The following EDIL3 variants were observed in gnomAD, a reference collection of about 807,000 sequenced individuals.
EDIL3 encodes the protein EGF-like repeat and discoidin I-like domain-containing protein 3.
In EDIL3, 37 loss-of-function variants were observed where a neutral mutation model predicts 67.4. The observed-to-expected ratio is 0.55, with a 90% CI of 0.42 to 0.72. The LOEUF is 0.72. EDIL3 is among the 30% of genes least tolerant of loss of function. The probability of loss-of-function intolerance (pLI) is 0.00; values close to 1 mark genes in which losing one functional copy is unlikely to be tolerated. For missense variants in EDIL3, 527 were observed against 586.3 expected (o/e 0.90, Z 1.04); for synonymous variants, 195 against 196.3 (o/e 0.99, Z 0.05).
At chr5:84,142,986 T>C (rs1413688851) in intron 4 of EDIL3, among the ~76,000 whole-genome samples, 1 of 151,988 alleles carries the variant, frequency 6.6e-6, no homozygotes, top group Admixed American at 6.6e-5. Context: ...ACAACACATC[T>C]TCCCTGGGCT....
chr5:83,969,339 A>G lies in EDIL3; in HGVS notation c.1138-5979T>C, dbSNP rs543243698. ...GGGCCACATATCTCTTCATTCCTAC[A>G]GCACAAATTCAAATAATTAAGGCTA... On this transcript the variant is annotated intron_variant, in intron 9 of 10. Coordinates refer to ENST00000296591, the MANE Select transcript of EDIL3 (RefSeq NM_005711.5). 8.6e-5 allele frequency among the ~76,000 whole-genome samples: 13 copies of G among 151,930 alleles called. No individual in the cohort carries two copies. In the East Asian group the frequency reaches 2.5e-3, roughly 29 times the overall value.
In EDIL3 at chr5:83,983,746, T is replaced by C. The variant is rs543215158; in HGVS notation, c.1138-20386A>G. On this transcript the variant is annotated intron_variant, in intron 9 of 10. Transcript: ENST00000296591. ...AGGTGGGAGGACAGGGACTTTCTTTTTTTTTTTTTTTTTCACTGTTCATTC... is the reference window on the plus strand; with the variant it reads ...AGGTGGGAGGACAGGGACTTTCTTTCTTTTTTTTTTTTTCACTGTTCATTC... Among the ~76,000 whole-genome samples the C allele has an allele frequency of 4.7e-3, 707 of 150,402 alleles. 4 individuals are homozygous for C. The highest frequency in any genetic ancestry group is 8.1e-3 in the Non-Finnish European group (549 of 67,396).
chr5:84,094,453 A>G (rs1202496310), intron 6 of EDIL3, among the ~76,000 whole-genome samples: 6 of 152,208 alleles, frequency 3.9e-5, no homozygotes, highest in African/African-American at 1.4e-4. Context: ...ATAAGGCAGT[A>G]TTAAAAACGA....
chr5:84,070,902 G>T (rs527744250), intron 6 of EDIL3, among the ~76,000 whole-genome samples: 2 of 152,122 alleles, frequency 1.3e-5, no homozygotes, highest in Admixed American at 1.3e-4. Flanking sequence ...AACTCCAAGG[G>T]CTCATAAAGG....
At chr5:84,024,802 A>AT (rs36045777) in intron 9 of EDIL3, among the ~76,000 whole-genome samples, 89,973 of 150,056 alleles carry the variant, frequency 0.6, 28,239 homozygotes, top group East Asian at 0.75. Flanking sequence ...ACTTCTTTCT[A>AT]TTTTTTTTTT....
chr5:84,131,114 A>G (rs1400713617), intron 5 of EDIL3, among the ~76,000 whole-genome samples: 1 of 152,080 alleles, frequency 6.6e-6, no homozygotes, highest in Non-Finnish European at 1.5e-5. Context: ...TTTTTTTTCA[A>G]ATAACTAAAA....
chr5:84,303,808 CTGTGTGTGTGTGTGTGTGTG>C (rs199605264), intron 1 of EDIL3, among the ~76,000 whole-genome samples: 3 of 135,358 alleles, frequency 2.2e-5, no homozygotes, highest in African/African-American at 5.7e-5. Context: ...CTCTCTCTCT[CTGTGTGTGTGTGTGTGTGTG>C]TGTGTGTGTG....
intron 5 of EDIL3, among the ~76,000 whole-genome samples, chr5:84,121,805 C>T (rs963626787): frequency 1.3e-5 from 2 of 152,030 alleles, no homozygotes; most frequent in Admixed American, 1.3e-4. Flanking sequence ...TACAAAAAGA[C>T]TCTAAGCATA....
Position 84,075,721 on chromosome 5 carries a change from C to T in EDIL3, c.652-9115G>A, listed in dbSNP as rs1041535526. 4.6e-5 allele frequency among the ~76,000 whole-genome samples: 7 copies of T among 152,004 alleles called. No individual in the cohort carries two copies. The East Asian group carries it at 5.8e-4, about 13-fold the overall frequency. The stretch of plus-strand genomic sequence containing the variant: ...AACTCTCAACCTCAGGTGATCTGCC[C>T]GTCTCGGCCTCCCAGAGTGCTGGGA... On this transcript the variant is annotated intron_variant, in intron 6 of 10. Coordinates refer to ENST00000296591, the MANE Select transcript of EDIL3 (RefSeq NM_005711.5).
At chr5:84,209,143 C>A (rs560919090) in intron 3 of EDIL3, among the ~76,000 whole-genome samples, 1 of 151,342 alleles carries the variant, frequency 6.6e-6, no homozygotes, top group East Asian at 1.9e-4. Context: ...CCAAACACCG[C>A]ATGTTCTCAC....
In EDIL3 at chr5:83,963,888, C is replaced by A. The variant is rs115900463; in HGVS notation, c.1138-528G>T. 2.9e-3 allele frequency among the ~76,000 whole-genome samples: 436 copies of A among 151,706 alleles called. 3 individuals are homozygous for A. Among genetic ancestry groups the A allele is most frequent in the African/African-American group, 0.01 (417 of 41,432 alleles). ...CTGTTTCCATAAATTTTAATCAATT[C>A]AATAATATATAATTGAGTAATAGTA... On this transcript the variant is annotated intron_variant, in intron 9 of 10. Transcript: ENST00000296591.
chr5:84,321,082 T>C (rs906320045), intron 1 of EDIL3, among the ~76,000 whole-genome samples: 3 of 152,214 alleles, frequency 2.0e-5, no homozygotes, highest in African/African-American at 7.2e-5. Context: ...ATTGTATTCA[T>C]AAAATGAAAT....
At chr5:83,982,398 TA>T (rs1370319920) in intron 9 of EDIL3, among the ~76,000 whole-genome samples, 2 of 152,120 alleles carry the variant, frequency 1.3e-5, no homozygotes, top group Non-Finnish European at 2.9e-5. Context: ...TTTCATTAAA[TA>T]GCCTCTTTCT....
intron 4 of EDIL3, among the ~76,000 whole-genome samples, chr5:84,173,407 G>C (rs1396595179): frequency 6.6e-6 from 1 of 152,090 alleles, no homozygotes; most frequent in Non-Finnish European, 1.5e-5. Context: ...GGAGACCCTG[G>C]CTTTTCAGGT....
intron 3 of EDIL3, among the ~76,000 whole-genome samples, chr5:84,212,403 T>C (rs890154989): frequency 2.6e-5 from 4 of 152,316 alleles, no homozygotes; most frequent in Admixed American, 2.0e-4. Context: ...CCTTTAGGGA[T>C]AGAAATTACT....
At chr5:84,227,418 C>CA (rs1282982687) in intron 3 of EDIL3, among the ~76,000 whole-genome samples, 4 of 151,856 alleles carry the variant, frequency 2.6e-5, no homozygotes, top group African/African-American at 9.6e-5. Flanking sequence ...ATTAAAAAAT[C>CA]AAAAAACAAC....
chr5:84,050,142 G>A (rs1213278121), intron 9 of EDIL3, among the ~76,000 whole-genome samples: 1 of 141,914 alleles, frequency 7.0e-6, no homozygotes, highest in Non-Finnish European at 1.5e-5. Flanking sequence ...AGCTTGCAGT[G>A]AGTCGAGATG....
intron 3 of EDIL3, chr5:84,181,054 T>C (rs1480817550): frequency 1.3e-5 from 2 of 152,190 alleles, no homozygotes; most frequent in Non-Finnish European, 2.9e-5. Flanking sequence ...ATTGGATAGC[T>C]GGCTGCAAAG....
chr5:83,992,312 T>G (rs1207441858), intron 9 of EDIL3, among the ~76,000 whole-genome samples: 2 of 152,172 alleles, frequency 1.3e-5, no homozygotes, highest in Non-Finnish European at 2.9e-5. Context: ...AAAATCTATG[T>G]TCAATCCACA....
Sources: allele counts gnomAD v4.1 joint callset (sites outside exome capture counted in the v4.1 genomes callset), GRCh38; gene constraint gnomAD v4.1.1; transcripts MANE v1.5; gene names NCBI Gene and HGNC (gene_info 2026-07-23, HGNC 2026-07-21).